KLF16: variants seen among roughly 807,000 people sequenced by gnomAD.
The protein encoded by KLF16 is Krueppel-like factor 16.
In KLF16, 6 loss-of-function variants were observed where a neutral mutation model predicts 6.1. The ratio of observed to expected loss-of-function variants is 0.98; its 90% CI spans 0.54 to 1.93. The LOEUF (loss-of-function observed/expected upper bound fraction) is 1.93. Ranked by LOEUF, KLF16 falls within the 30% of genes most tolerant of loss-of-function variation. The pLI is 0.01. For missense variants in KLF16, 355 were observed against 363.8 expected, an observed-to-expected ratio of 0.98 and a Z score of 0.20; for synonymous variants, 211 against 176.5, an observed-to-expected ratio of 1.20 and a Z score of -1.55.
At chr19:1,863,646 GC>G (rs1287448001), upstream of KLF16, 10 of 176,672 alleles carry the variant, frequency 5.7e-5, no homozygotes, top group Non-Finnish European at 1.1e-4. Context: ...CGCTCGGCCT[GC>G]CCCGCCCCGC....
At chr19:1,873,903 G>A in the KLF16 span, among the ~76,000 whole-genome samples, 1 of 152,268 alleles carries the variant, frequency 6.6e-6, no homozygotes. Flanking sequence ...CGCTGAAGGC[G>A]TCTGGGAGCC....
intron 1 of KLF16, chr19:1,860,127 G>C (rs935246248): frequency 2.0e-5 from 3 of 149,312 alleles, no homozygotes; most frequent in Non-Finnish European, 4.5e-5. Flanking sequence ...GGGCGGGGGG[G>C]GGGCCCTCCG....
rs955691728 is a variant in KLF16, at chr19:1,857,736, T to A, written c.458-2976A>T. Among the ~76,000 whole-genome samples, 6 of 151,104 alleles carry A rather than the reference T, an allele frequency of 4.0e-5. No individual in the cohort carries two copies. The highest frequency in any genetic ancestry group is 3.9e-4 in the East Asian group (2 of 5,120). Reference sequence around the variant, plus strand: ...TCCACCTAACAGGTGGGGTCGGGTCTGTAGGGGAGGGCACAGGTGGGGAAG... The same window carrying A: ...TCCACCTAACAGGTGGGGTCGGGTCAGTAGGGGAGGGCACAGGTGGGGAAG... On this transcript the variant is annotated intron_variant, in intron 1 of 1. Coordinates refer to ENST00000250916, the MANE Select transcript of KLF16 (RefSeq NM_031918.4). The surrounding 1 kb of genome is among the most constrained non-coding windows in gnomAD (Gnocchi z 4.7).
At chr19:1,869,847 A>G in the KLF16 span, among the ~76,000 whole-genome samples, 11 of 152,276 alleles carry the variant, frequency 7.2e-5, no homozygotes, top group Admixed American at 1.3e-4. Context: ...TTCTGGGCTC[A>G]AACAATCCTC....
the KLF16 span, chr19:1,874,746 C>CAAAAAAAAAAAA: frequency 2.6e-4 from 11 of 41,998 alleles, 1 homozygote; most frequent in African/African-American, 3.0e-4. Context: ...GTCAGAGTCC[C>CAAAAAAAAAAAA]AAAAAAAAAA....
chr19:1,868,167 A>T (rs972797569), upstream of KLF16, among the ~76,000 whole-genome samples: 3 of 152,018 alleles, frequency 2.0e-5, no homozygotes, highest in Admixed American at 2.0e-4. Flanking sequence ...GCTTTTCTGT[A>T]TGAAAATTCA....
the KLF16 span, among the ~76,000 whole-genome samples, chr19:1,870,308 C>T: frequency 1.9e-4 from 29 of 152,148 alleles, no homozygotes; most frequent in South Asian, 2.5e-3. Flanking sequence ...AATGGCAGCA[C>T]GGCAGCAGCT....
chr19:1,869,140 C>G, the KLF16 span, among the ~76,000 whole-genome samples: 1 of 152,196 alleles, frequency 6.6e-6, no homozygotes, highest in East Asian at 1.9e-4. Context: ...GAAGCTGGAA[C>G]AGAGAGCCCG....
chr19:1,870,811 C>T, the KLF16 span, among the ~76,000 whole-genome samples: 2 of 152,116 alleles, frequency 1.3e-5, no homozygotes, highest in Non-Finnish European at 2.9e-5. Context: ...GCTTGGCCAA[C>T]ATGGTGAAAC....
chr19:1,858,093 C>A (rs1036199687), intron 1 of KLF16, among the ~76,000 whole-genome samples: 6 of 152,092 alleles, frequency 3.9e-5, no homozygotes, highest in African/African-American at 1.4e-4. Context: ...TTTCCAAACC[C>A]CCTGCTGTTC....
chr19:1,871,590 G>C, the KLF16 span, among the ~76,000 whole-genome samples: 1 of 151,938 alleles, frequency 6.6e-6, no homozygotes, highest in East Asian at 1.9e-4. Context: ...AAGCCACTCA[G>C]GGTATATTTC....
upstream of KLF16, among the ~76,000 whole-genome samples, chr19:1,867,961 T>TGTGC (rs1555831975): frequency 4.0e-3 from 584 of 146,296 alleles, 4 homozygotes; most frequent in African/African-American, 0.014. Flanking sequence ...TGTGTGTGTG[T>TGTGC]GCGTGCGCGC....
chr19:1,863,152 G>T lies in KLF16; in HGVS notation c.346C>A (p.Pro116Thr). The T allele has an allele frequency of 1.5e-6, 2 of 1,308,540 alleles. No individual in the cohort carries two copies. Among genetic ancestry groups the T allele is most frequent in the Non-Finnish European group, 2.0e-6 (2 of 1,010,920 alleles). The allele number at this position is 1,308,540 out of a possible 1,614,324, so 81.1% of individuals were successfully genotyped here. A position where few individuals can be genotyped will look rare whatever the true frequency, so the allele number is the denominator to read the frequency against. Reference protein sequence around the residue: ...AASSPSSGRAPGAAPSAAAKS... With the variant: ...AASSPSSGRATGAAPSAAAKS... The stretch of plus-strand genomic sequence containing the variant: ...GCGGCGGCGGAGGGCGCGGCGCCGG[G>T]GGCGCGGCCCGAGGACGGGGACGAG... Residue 116 changes from proline (P) to threonine (T), a missense_variant, in exon 1 of 2, where the codon CCC becomes ACC. By Grantham distance (38) the Pro-to-Thr change is conservative. Transcript: ENST00000250916.
At chr19:1,864,499 C>T (rs1002097623), upstream of KLF16, among the ~76,000 whole-genome samples, 1 of 152,050 alleles carries the variant, frequency 6.6e-6, no homozygotes, top group East Asian at 1.9e-4. Flanking sequence ...TACTAGAGCG[C>T]GCCCCACTGG....
the KLF16 span, among the ~76,000 whole-genome samples, chr19:1,870,214 G>A: frequency 5.3e-5 from 8 of 152,218 alleles, no homozygotes; most frequent in South Asian, 1.2e-3. Context: ...ACAGGCGTGA[G>A]CCACCACACC....
chr19:1,865,163 G>T (rs1479431299), upstream of KLF16, among the ~76,000 whole-genome samples: 1 of 152,224 alleles, frequency 6.6e-6, no homozygotes, highest in African/African-American at 2.4e-5. Flanking sequence ...ACAGAGCGGA[G>T]CCGAGAGAGA....
chr19:1,875,506 G>C, the KLF16 span: 1 of 152,254 alleles, frequency 6.6e-6, no homozygotes. Flanking sequence ...TGGAGGTTAG[G>C]ACTGGGAAAA....
At chr19:1,873,984 C>T in the KLF16 span, among the ~76,000 whole-genome samples, 2 of 152,246 alleles carry the variant, frequency 1.3e-5, no homozygotes, top group Non-Finnish European at 2.9e-5. Context: ...GCCAGCATCG[C>T]GCACCGTGAA....
At position 1,854,839 on chromosome 19, in the gene KLF16, G is replaced by A. The variant is rs944787705; in HGVS notation, c.458-79C>T. On this transcript the variant is annotated intron_variant, in intron 1 of 1. Transcript: ENST00000250916. ...CAGACACGTTCCAGCAGATCCCAAA[G>A]GGTGGCGGGCATTTGTCCCGTGCCG... is the stretch of plus-strand genomic sequence containing the variant. 3 of 1,485,338 alleles carry A rather than the reference G, an allele frequency of 2.0e-6. No homozygotes were observed. In the African/African-American group the frequency reaches 4.2e-5, roughly 21 times the overall value. The allele number at this position is 1,485,338 out of a possible 1,614,324, so 92.0% of individuals were successfully genotyped here. A position where few individuals can be genotyped will look rare whatever the true frequency, so the allele number is the denominator to read the frequency against.
Sources: allele counts gnomAD v4.1 joint callset (sites outside exome capture counted in the v4.1 genomes callset), GRCh38; gene constraint gnomAD v4.1.1; non-coding constraint Gnocchi (gnomAD v3.1); transcripts MANE v1.5; gene names NCBI Gene and HGNC (gene_info 2026-07-23, HGNC 2026-07-21).